PLXNA4: variants seen among roughly 807,000 people sequenced by gnomAD.
PLXNA4 encodes plexin-A4.
Under a neutral mutation model 191.8 loss-of-function variants are expected in PLXNA4, and 44 were observed. The observed-to-expected ratio is 0.23, with a 90% CI of 0.18 to 0.29. PLXNA4 has a LOEUF of 0.29. Among genes scored for constraint, PLXNA4 ranks in the 10% least tolerant of loss-of-function variants. PLXNA4 has a pLI of 1.00. For synonymous variants in PLXNA4, 1,082 were observed against 1,009.5 expected (o/e 1.07, Z -1.36); for missense variants, 1,800 against 2,488.8 (o/e 0.72, Z 5.89).
At chr7:132,437,581 AAAAAC>A (rs1229348746) in intron 3 of PLXNA4, among the ~76,000 whole-genome samples, 5 of 151,738 alleles carry the variant, frequency 3.3e-5, no homozygotes, top group Admixed American at 2.0e-4. Flanking sequence ...AAAAAAAAAA[AAAAAC>A]AGAAAAAGCC....
At chr7:132,387,187 T>C (rs1172671642) in intron 3 of PLXNA4, among the ~76,000 whole-genome samples, 1 of 152,184 alleles carries the variant, frequency 6.6e-6, no homozygotes, top group African/African-American at 2.4e-5. Context: ...AGGACCAAGA[T>C]CATCATCATT....
At chr7:132,613,110 A>G (rs1175424892) in intron 2 of PLXNA4, among the ~76,000 whole-genome samples, 1 of 152,194 alleles carries the variant, frequency 6.6e-6, no homozygotes, top group Non-Finnish European at 1.5e-5. Flanking sequence ...CTGACCTACT[A>G]GCGATTCCTC....
intron 3 of PLXNA4, among the ~76,000 whole-genome samples, chr7:132,337,475 A>T (rs960835313): frequency 1.8e-4 from 28 of 152,226 alleles, no homozygotes; most frequent in Non-Finnish European, 2.9e-4. Flanking sequence ...GCAAATGGGA[A>T]GTCATATGGA....
chr7:132,181,658 C>T (rs763109095), intron 17 of PLXNA4, 38 bp from the exon 18 acceptor site: 6 of 1,607,150 alleles, frequency 3.7e-6, no homozygotes, highest in African/African-American at 1.3e-5. Context: ...TATGCAGTAT[C>T]TCCACATACC....
chr7:132,633,672 T>C (rs1393364222), intron 2 of PLXNA4, among the ~76,000 whole-genome samples: 7 of 152,222 alleles, frequency 4.6e-5, no homozygotes, highest in African/African-American at 1.4e-4. Flanking sequence ...GGCAAGGATC[T>C]GGTCCTGACC....
chr7:132,537,378 TAA>T (rs1799888496), intron 1 of PLXNA4, among the ~76,000 whole-genome samples: 1 of 152,266 alleles, frequency 6.6e-6, no homozygotes, highest in Non-Finnish European at 1.5e-5. Context: ...ATTAACAATC[TAA>T]TGATAAGATT....
chr7:132,456,094 T>A (rs944661929), intron 3 of PLXNA4, among the ~76,000 whole-genome samples: 2 of 150,948 alleles, frequency 1.3e-5, no homozygotes, highest in Non-Finnish European at 2.9e-5. Context: ...GGGGTCCCTC[T>A]TCGCATCTCC....
chr7:132,130,279 C>A lies in PLXNA4; in HGVS notation c.*200G>T. 1.4e-6 allele frequency: 1 copy of A among 719,530 alleles called. No individual in the cohort carries two copies. Among genetic ancestry groups the A allele is most frequent in the Non-Finnish European group, 2.2e-6 (1 of 453,490 alleles). The allele number at this position is 719,530 out of a possible 1,614,324, so 44.6% of individuals were successfully genotyped here. A position where few individuals can be genotyped will look rare whatever the true frequency, so the allele number is the denominator to read the frequency against. ...CTGAGGGTCAGTGGCTTGGTCCAATCGTGTTGGCAGAGCAACTGGAAGAGA... is the reference window on the plus strand; with the variant it reads ...CTGAGGGTCAGTGGCTTGGTCCAATAGTGTTGGCAGAGCAACTGGAAGAGA... On this transcript the variant is annotated 3_prime_UTR_variant, in exon 32 of 32. Transcript: ENST00000321063.
At chr7:132,446,491 G>C (rs552827108) in intron 3 of PLXNA4, among the ~76,000 whole-genome samples, 2 of 152,268 alleles carry the variant, frequency 1.3e-5, no homozygotes, top group Admixed American at 6.5e-5. Context: ...ACCTGGTAAA[G>C]GTTTTCAAAT....
intron 4 of PLXNA4, among the ~76,000 whole-genome samples, chr7:132,261,899 C>T (rs114389678): frequency 2.1e-3 from 326 of 152,276 alleles, no homozygotes; most frequent in African/African-American, 7.6e-3. Context: ...CACACAGTCC[C>T]AGGGAAATGA....
In PLXNA4 at chr7:132,438,526, C is replaced by G. The variant is rs1482599278; in HGVS notation, c.1371+50766G>C. ...GAATGGCTAACTTCTCAACCACACA[C>G]TGAATATCAAGATAGGATGATAATT... On this transcript the variant is annotated intron_variant, in intron 3 of 31. Transcript: ENST00000321063. Among the ~76,000 whole-genome samples the G allele has an allele frequency of 2.0e-5, 3 of 152,202 alleles. No individual in the cohort carries two copies. In the East Asian group the frequency reaches 5.8e-4, roughly 29 times the overall value.
intron 3 of PLXNA4, among the ~76,000 whole-genome samples, chr7:132,366,250 G>A (rs1212700527): frequency 6.6e-6 from 1 of 152,128 alleles, no homozygotes; most frequent in Non-Finnish European, 1.5e-5. Context: ...GAGAGGCTAG[G>A]CATGGTGGCT....
In PLXNA4 at chr7:132,570,528, G is replaced by T. The variant is rs1716191143; in HGVS notation, c.-87+5894C>A. Among the ~76,000 whole-genome samples the T allele has an allele frequency of 2.0e-5, 3 of 152,344 alleles. No homozygotes were observed. The South Asian group carries it at 6.2e-4, about 32-fold the overall frequency. ...AAATCCAGCTGTGCTCATTCGAGAA[G>T]AGTTCAGTGAGTATGTCAGATAAGG... On this transcript the variant is annotated intron_variant, in intron 1 of 31. Transcript: ENST00000321063.
rs200348555 is a variant in PLXNA4 at position 132,165,227 on chromosome 7, C to T, written c.4287-27G>A. The T allele has an allele frequency of 1.7e-3, 2,691 of 1,603,760 alleles. 3 individuals are homozygous for T. Among genetic ancestry groups the T allele is most frequent in the Non-Finnish European group, 2.2e-3 (2,540 of 1,173,892 alleles). On this transcript the variant is annotated intron_variant, in intron 22 of 31. Coordinates refer to ENST00000321063, the MANE Select transcript of PLXNA4 (RefSeq NM_020911.2). ...TGTCAGCAGTCACCGAGGGAACCAA[C>T]GGAACAAGACAAAGAAAGAAGCAGC... is the stretch of plus-strand genomic sequence containing the variant.
At position 132,384,273 on chromosome 7, in the gene PLXNA4, C is replaced by G. The variant is rs959263303; in HGVS notation, c.1372-86051G>C. ...AATCTACAGCACTTTCACTTGTTTT[C>G]AAGTAACCAGATTAGCACCAGTCGC... On this transcript the variant is annotated intron_variant, in intron 3 of 31. Coordinates refer to ENST00000321063, the MANE Select transcript of PLXNA4 (RefSeq NM_020911.2). 1.1e-5 allele frequency: 11 copies of G among 985,318 alleles called. No homozygotes were observed. The Admixed American group carries it at 5.5e-4, about 50-fold the overall frequency. The allele number at this position is 985,318 out of a possible 1,614,324, so 61.0% of individuals were successfully genotyped here.
intron 2 of PLXNA4, among the ~76,000 whole-genome samples, chr7:132,499,106 GT>G (rs1331656370): frequency 1.1e-4 from 17 of 152,260 alleles, no homozygotes; most frequent in African/African-American, 3.6e-4. Context: ...AGGCCAGGCT[GT>G]AACCAATAGC....
intron 30 of PLXNA4, among the ~76,000 whole-genome samples, chr7:132,138,289 AG>A (rs762266655): frequency 6.6e-6 from 1 of 152,192 alleles, no homozygotes; most frequent in Non-Finnish European, 1.5e-5. Context: ...GACCAACAGC[AG>A]GGGAGCAAAT....
At chr7:132,397,449 A>G (rs1224148503) in intron 3 of PLXNA4, among the ~76,000 whole-genome samples, 2 of 152,218 alleles carry the variant, frequency 1.3e-5, no homozygotes, top group African/African-American at 4.8e-5. Flanking sequence ...TAGTAGGAAG[A>G]ATTGGGGGAA....
At chr7:132,152,061 CAAG>C (rs1015931857) in intron 25 of PLXNA4, among the ~76,000 whole-genome samples, 2 of 152,160 alleles carry the variant, frequency 1.3e-5, no homozygotes, top group African/African-American at 4.8e-5. Flanking sequence ...CGGAATGTCT[CAAG>C]AAGATCAGAT....
Sources: allele counts gnomAD v4.1 joint callset (sites outside exome capture counted in the v4.1 genomes callset), GRCh38; gene constraint gnomAD v4.1.1; transcripts MANE v1.5; gene names NCBI Gene and HGNC (gene_info 2026-07-23, HGNC 2026-07-21).